The following FAF1 variants were observed in gnomAD, a reference collection of about 807,000 sequenced individuals.
The protein encoded by FAF1 is Fas associated factor 1.
FAF1 carries 25 observed loss-of-function variants against 92.5 expected under a neutral mutation model. The ratio of observed to expected loss-of-function variants is 0.27; its 90% CI spans 0.20 to 0.38. The LOEUF (loss-of-function observed/expected upper bound fraction) is 0.38. Among genes scored for constraint, FAF1 ranks in the 10% least tolerant of loss-of-function variants. The pLI, the probability that FAF1 is intolerant of heterozygous loss-of-function variation, is 1.00. For missense variants in FAF1, 636 were observed against 793.3 expected, an observed-to-expected ratio of 0.80 and a Z score of 2.38; for synonymous variants, 234 against 273.2, an observed-to-expected ratio of 0.86 and a Z score of 1.42.
intron 12 of FAF1, among the ~76,000 whole-genome samples, chr1:50,571,128 T>C (rs1331409352): frequency 6.6e-6 from 1 of 152,244 alleles, no homozygotes; most frequent in Non-Finnish European, 1.5e-5. Context: ...TGGGAAAGAA[T>C]GTGCGGAGGC....
intron 8 of FAF1, among the ~76,000 whole-genome samples, chr1:50,607,532 A>T (rs1243801229): frequency 4.6e-5 from 7 of 152,124 alleles, no homozygotes; most frequent in Non-Finnish European, 8.8e-5. Context: ...TGTGCCTTGC[A>T]TGTGCCTACT....
intron 2 of FAF1, among the ~76,000 whole-genome samples, chr1:50,821,712 C>T (rs1466247157): frequency 1.3e-5 from 2 of 152,124 alleles, no homozygotes; most frequent in South Asian, 2.1e-4. Context: ...CTTGCTAATA[C>T]ATCAAAAGTG....
intron 2 of FAF1, among the ~76,000 whole-genome samples, chr1:50,849,299 G>A (rs1338185131): frequency 6.6e-6 from 1 of 151,480 alleles, no homozygotes; most frequent in Non-Finnish European, 1.5e-5. Flanking sequence ...AAAATTACCA[G>A]TAGCACTATG....
At chr1:50,756,793 G>C (rs1660092750) in intron 4 of FAF1, among the ~76,000 whole-genome samples, 1 of 152,160 alleles carries the variant, frequency 6.6e-6, no homozygotes, top group African/African-American at 2.4e-5. Flanking sequence ...CTTGTGCAGG[G>C]AAACTCCTCC....
intron 8 of FAF1, among the ~76,000 whole-genome samples, chr1:50,638,448 T>C (rs1163649317): frequency 6.8e-6 from 1 of 148,030 alleles, no homozygotes; most frequent in African/African-American, 2.5e-5. Context: ...TCTTTTTCTT[T>C]TTTTTTTTTT....
rs533830922 is a variant in FAF1, at chr1:50,528,148, G to A, written c.1494+7221C>T. ...CTCCCAAAGTGCTGAGATTATAGCC[G>A]TGAGCCACTGCACCCAGCCTGCTGT... is the stretch of plus-strand genomic sequence containing the variant. On this transcript the variant is annotated intron_variant, in intron 15 of 18. Transcript: ENST00000396153. 9.2e-5 allele frequency among the ~76,000 whole-genome samples: 14 copies of A among 152,078 alleles called. No homozygotes were observed. In the East Asian group the frequency reaches 1.9e-3, roughly 21 times the overall value.
At chr1:50,595,013 T>C (rs1265972173) in intron 9 of FAF1, among the ~76,000 whole-genome samples, 1 of 151,928 alleles carries the variant, frequency 6.6e-6, no homozygotes, top group Non-Finnish European at 1.5e-5. Context: ...ACACTATCAC[T>C]GCATTTTTTA....
At chr1:50,853,862 C>G (rs149727768) in intron 2 of FAF1, among the ~76,000 whole-genome samples, 2 of 151,952 alleles carry the variant, frequency 1.3e-5, no homozygotes, top group African/African-American at 4.8e-5. Flanking sequence ...TTATGAAGAT[C>G]TATTAAAAAT....
chr1:50,596,604 T>C (rs970064505), intron 8 of FAF1, among the ~76,000 whole-genome samples: 1 of 152,204 alleles, frequency 6.6e-6, no homozygotes, highest in Non-Finnish European at 1.5e-5. Flanking sequence ...GTAGGTGAGA[T>C]ACAAAATTTA....
At chr1:50,715,051 G>A (rs1296834756) in intron 6 of FAF1, 2 of 413,350 alleles carry the variant, frequency 4.8e-6, no homozygotes, top group African/African-American at 2.1e-5. Flanking sequence ...TTATCAACAA[G>A]GACACAATTT....
chr1:50,608,562 T>TACA (rs1652533406), intron 8 of FAF1, among the ~76,000 whole-genome samples: 1 of 152,122 alleles, frequency 6.6e-6, no homozygotes, highest in South Asian at 2.1e-4. Context: ...CTTCAATGAG[T>TACA]ACAACGGATG....
chr1:50,655,130 C>A (rs984424599), intron 8 of FAF1, among the ~76,000 whole-genome samples: 1 of 152,102 alleles, frequency 6.6e-6, no homozygotes, highest in African/African-American at 2.4e-5. Flanking sequence ...CCAAGTGATT[C>A]TCTTATCTCA....
At chr1:50,468,146 C>T (rs1353365270) in intron 18 of FAF1, among the ~76,000 whole-genome samples, 1 of 152,012 alleles carries the variant, frequency 6.6e-6, no homozygotes, top group Non-Finnish European at 1.5e-5. Flanking sequence ...GAGGCTGGGG[C>T]TGCAGTGAGC....
intron 1 of FAF1, among the ~76,000 whole-genome samples, chr1:50,885,551 T>G (rs1644654644): frequency 6.6e-6 from 1 of 152,180 alleles, no homozygotes; most frequent in African/African-American, 2.4e-5. Flanking sequence ...TTTCCATCCC[T>G]TTATTTTCAG....
In FAF1 at chr1:50,583,902, T is replaced by C. The variant is rs542675318; in HGVS notation, c.968-187A>G. On this transcript the variant is annotated intron_variant, in intron 10 of 18. Transcript: ENST00000396153. This position sits in a 1 kb window ranked among gnomAD's most constrained non-coding sequence, Gnocchi z 4.2. ...TTAACTCAACATATATTAGATCTCATCAAACCAGAATCAAAAAGAACCTTA... is the reference window on the plus strand; with the variant it reads ...TTAACTCAACATATATTAGATCTCACCAAACCAGAATCAAAAAGAACCTTA... Among the ~76,000 whole-genome samples, 1 of 152,044 alleles carries C rather than the reference T, an allele frequency of 6.6e-6. No individual in the cohort carries two copies. The highest frequency in any genetic ancestry group is 2.1e-4 in the South Asian group (1 of 4,832).
In FAF1 at chr1:50,441,109, G is replaced by T. The variant is rs1646161691; in HGVS notation, c.*331C>A. 1 of 216,584 alleles carries T rather than the reference G, an allele frequency of 4.6e-6. No individual in the cohort carries two copies. The highest frequency in any genetic ancestry group is 9.1e-6 in the Non-Finnish European group (1 of 110,258). The allele number at this position is 216,584 out of a possible 1,614,324, so 13.4% of individuals were successfully genotyped here. On this transcript the variant is annotated 3_prime_UTR_variant, in exon 19 of 19. Transcript: ENST00000396153. ...ACAGAACTGTCCTAGACACTGTGGG[G>T]AAAAGATGGGCACTGGAGAGGTAAA...
At chr1:50,492,997 G>C (rs144074073) in intron 15 of FAF1, among the ~76,000 whole-genome samples, 46 of 150,816 alleles carry the variant, frequency 3.1e-4, no homozygotes, top group African/African-American at 1.1e-3. Context: ...ACCTGATAAT[G>C]TCTACCCTTT....
intron 2 of FAF1, among the ~76,000 whole-genome samples, chr1:50,844,346 A>T (rs552054988): frequency 6.6e-6 from 1 of 152,256 alleles, no homozygotes; most frequent in East Asian, 1.9e-4. Context: ...CTGATTTTTA[A>T]GATGCTTTGA....
At chr1:50,599,991 G>A (rs1652020653) in intron 8 of FAF1, among the ~76,000 whole-genome samples, 2 of 152,072 alleles carry the variant, frequency 1.3e-5, no homozygotes. Context: ...TTAACATCAT[G>A]TTGCTGCTTA....
Sources: allele counts gnomAD v4.1 joint callset (sites outside exome capture counted in the v4.1 genomes callset), GRCh38; gene constraint gnomAD v4.1.1; non-coding constraint Gnocchi (gnomAD v3.1); transcripts MANE v1.5; gene names NCBI Gene and HGNC (gene_info 2026-07-23, HGNC 2026-07-21).